PLCG1: variants seen among roughly 807,000 people sequenced by gnomAD.
PLCG1 encodes the protein phospholipase C gamma 1, also known as 1-phosphatidylinositol 4,5-bisphosphate phosphodiesterase gamma-1.
Under a neutral mutation model 177.8 loss-of-function variants are expected in PLCG1, and 71 were observed. The ratio of observed to expected loss-of-function variants is 0.40; its 90% confidence interval spans 0.33 to 0.49. The LOEUF is 0.49. PLCG1 is among the 20% of genes least tolerant of loss of function. PLCG1 has a pLI of 0.72. For missense variants in PLCG1, 1,281 were observed against 1,709.0 expected (o/e 0.75, Z 4.42); for synonymous variants, 658 against 647.9 (o/e 1.02, Z -0.24).
At chr20:41,149,575 A>G (rs2035101725) in intron 1 of PLCG1, among the ~76,000 whole-genome samples, 1 of 152,336 alleles carries the variant, frequency 6.6e-6, no homozygotes, top group East Asian at 1.9e-4. Flanking sequence ...GGGGATAGCA[A>G]GTAGGCAGCT....
rs1344654936 is a variant in PLCG1 at position 41,168,911 on chromosome 20, A to C, written c.2483+41A>C. The C allele has an allele frequency of 7.0e-6, 10 of 1,424,378 alleles. No individual in the cohort carries two copies. The Admixed American group carries it at 1.7e-4, about 24-fold the overall frequency. The allele number at this position is 1,424,378 out of a possible 1,614,324, so 88.2% of individuals were successfully genotyped here. On this transcript the variant is annotated intron_variant, in intron 21 of 31. Transcript: ENST00000685551. ...GGTAGGCCCAGAGTCCAAGGGCCCCAGTGGAGCTGGGGCCCCAAAGACATG... is the reference window on the plus strand; with the variant it reads ...GGTAGGCCCAGAGTCCAAGGGCCCCCGTGGAGCTGGGGCCCCAAAGACATG...
rs1287137004 is a variant in PLCG1, at chr20:41,159,639, G to C, written c.251G>C (p.Gly84Ala). 6.2e-7 allele frequency: 1 copy of C among 1,614,190 alleles called. No homozygotes were observed. Among genetic ancestry groups the C allele is most frequent in the Admixed American group, 1.7e-5 (1 of 60,026 alleles). Residue 84 changes from glycine (G) to alanine (A), a missense_variant, in exon 2 of 32, where the codon GGG becomes GCG. Transcript: ENST00000685551. The surrounding 1 kb of genome is among the most constrained non-coding windows in gnomAD (Gnocchi z 6.0). Reference sequence around the variant, plus strand: ...CGTGAAATTAAGGAGATCCGCCCAGGGAAGACCTCACGGGACTTTGATCGC... The same window carrying C: ...CGTGAAATTAAGGAGATCCGCCCAGCGAAGACCTCACGGGACTTTGATCGC... Reference protein sequence around the residue: ...DIREIKEIRPGKTSRDFDRYQ... With the variant: ...DIREIKEIRPAKTSRDFDRYQ...
At chr20:41,169,865 C>T (rs2035836064) in intron 23 of PLCG1, among the ~76,000 whole-genome samples, 1 of 152,114 alleles carries the variant, frequency 6.6e-6, no homozygotes, top group Admixed American at 6.6e-5. Flanking sequence ...GGAGACACGG[C>T]CTGAGGAAGA....
intron 1 of PLCG1, among the ~76,000 whole-genome samples, chr20:41,145,360 G>C (rs950734771): frequency 2.6e-5 from 4 of 152,188 alleles, no homozygotes; most frequent in Non-Finnish European, 4.4e-5. Context: ...GGTGAGTGTG[G>C]CTTTGCTGTT....
In PLCG1 at chr20:41,153,705, G is replaced by A. The variant is rs547988868; in HGVS notation, c.218-5901G>A. ...GGAGGTCAGGAGTTTGAGAGCAGCTGGCCAACATGGTGAAACCCCGTCTCT... is the reference window on the plus strand; with the variant it reads ...GGAGGTCAGGAGTTTGAGAGCAGCTAGCCAACATGGTGAAACCCCGTCTCT... On this transcript the variant is annotated intron_variant, in intron 1 of 31. Transcript: ENST00000685551. This position sits in a 1 kb window ranked among gnomAD's most constrained non-coding sequence, Gnocchi z 5.1. 1.3e-5 allele frequency among the ~76,000 whole-genome samples: 2 copies of A among 152,290 alleles called. No homozygotes were observed. The highest frequency in any genetic ancestry group is 4.1e-4 in the South Asian group (2 of 4,820).
intron 1 of PLCG1, among the ~76,000 whole-genome samples, chr20:41,145,004 G>A (rs2034953598): frequency 6.6e-6 from 1 of 152,140 alleles, no homozygotes; most frequent in African/African-American, 2.4e-5. Context: ...ATAAGGTTAG[G>A]GTAGATACAG....
At chr20:41,149,581 C>T (rs1305658696) in intron 1 of PLCG1, among the ~76,000 whole-genome samples, 1 of 152,178 alleles carries the variant, frequency 6.6e-6, no homozygotes, top group East Asian at 1.9e-4. Context: ...AGCAAGTAGG[C>T]AGCTGAATTG....
rs1476556767 is a variant in PLCG1, at chr20:41,165,461, C to G, written c.1521C>G (p.Pro507=). 3.1e-6 allele frequency: 5 copies of G among 1,613,924 alleles called. No individual in the cohort carries two copies. The Admixed American group carries it at 8.3e-5, about 27-fold the overall frequency. The change falls in exon 15 of 32, where the codon CCC becomes CCG. Residue 507 remains proline (P), a synonymous_variant. Coordinates refer to ENST00000685551, the MANE Select transcript of PLCG1 (RefSeq NM_002660.3). The surrounding 1 kb of genome is among the most constrained non-coding windows in gnomAD (Gnocchi z 6.6). ...TTGGTCTGTTCCAGGAATGGTATCC[C>G]CACTACTTTGTTCTGACCAGCAGCA... ...LEDPVNHEWY[P]HYFVLTSSKI...
chr20:41,173,810 A>T lies in PLCG1; in HGVS notation c.3553A>T (p.Thr1185Ser), dbSNP rs138431024. The change falls in exon 29 of 32, where the codon ACA (threonine) becomes TCA (serine). Residue 1185 changes from threonine (T) to serine (S), a missense_variant. Physicochemically the swap from Thr to Ser is moderately conservative, Grantham distance 58. This residue lies in a region of PLCG1 where 153 missense variants were observed against 153.2 expected (regional missense o/e 1.00). Coordinates refer to ENST00000685551, the MANE Select transcript of PLCG1 (RefSeq NM_002660.3). This position sits in a 1 kb window ranked among gnomAD's most constrained non-coding sequence, Gnocchi z 6.2. ...QATFPVKGLK[T>S]GYRAVPLKNN... is the part of the protein sequence containing the mutation. The stretch of plus-strand genomic sequence containing the variant: ...TACTTTCCCAGTAAAAGGCCTGAAG[A>T]CAGGTGAGGACCATTCCTGGAGGCA... The T allele has an allele frequency of 5.0e-6, 8 of 1,613,288 alleles. No individual in the cohort carries two copies. The African/African-American group carries it at 9.3e-5, about 19-fold the overall frequency.
rs1164052514 is a variant in PLCG1, at chr20:41,144,222, A to G, written c.217+6364A>G. 1.3e-5 allele frequency among the ~76,000 whole-genome samples: 2 copies of G among 152,236 alleles called. No homozygotes were observed. Among genetic ancestry groups the G allele is most frequent in the Non-Finnish European group, 2.9e-5 (2 of 68,038 alleles). On this transcript the variant is annotated intron_variant, in intron 1 of 31. Coordinates refer to ENST00000685551, the MANE Select transcript of PLCG1 (RefSeq NM_002660.3). This position sits in a 1 kb window ranked among gnomAD's most constrained non-coding sequence, Gnocchi z 4.1. ...AAAACCAAGCCCTAAGGGTAAGGTC[A>G]CATAGCAAGTTCATGGCAGATCCTA... is the stretch of plus-strand genomic sequence containing the variant.
intron 24 of PLCG1, among the ~76,000 whole-genome samples, chr20:41,171,964 G>C (rs2035915191): frequency 6.6e-6 from 1 of 152,222 alleles, no homozygotes; most frequent in Non-Finnish European, 1.5e-5. Context: ...TAAGAGGGTT[G>C]GAGGGCAAAT....
chr20:41,165,018 G>A lies in PLCG1; in HGVS notation c.1303G>A (p.Asp435Asn). The A allele has an allele frequency of 6.2e-7, 1 of 1,614,220 alleles. No individual in the cohort carries two copies. The highest frequency in any genetic ancestry group is 8.5e-7 in the Non-Finnish European group (1 of 1,180,034). ...CCAATACTTCAAGAAGGTGCTGGGG[G>A]ACACACTCCTCACCAAGCCCGTGGA... ...MAQYFKKVLGDTLLTKPVEIS... is the reference protein window; with the variant it reads ...MAQYFKKVLGNTLLTKPVEIS... Residue 435 changes from aspartate to asparagine, a missense_variant, in exon 13 of 32, where the codon GAC becomes AAC. Transcript: ENST00000685551. The surrounding 1 kb of genome is among the most constrained non-coding windows in gnomAD (Gnocchi z 6.6).
Position 41,160,240 on chromosome 20 carries a change from G to A in PLCG1, c.512+87G>A. On this transcript the variant is annotated intron_variant, in intron 4 of 31. Coordinates refer to ENST00000685551, the MANE Select transcript of PLCG1 (RefSeq NM_002660.3). The surrounding 1 kb of genome is among the most constrained non-coding windows in gnomAD (Gnocchi z 5.5). ...AGGCCTCTAAGTAGCTGCCCGGAGA[G>A]CCAGAGGACCCAGGGGACCTTAAGT... The A allele has an allele frequency of 8.0e-7, 1 of 1,244,498 alleles. No homozygotes were observed. The highest frequency in any genetic ancestry group is 1.2e-6 in the Non-Finnish European group (1 of 850,852). 77.1% of individuals were successfully genotyped at this position (1,244,498 alleles called of 1,614,324 possible).
intron 22 of PLCG1, 34 bp downstream of exon 22, chr20:41,169,209 C>T (rs2035810988): frequency 2.8e-6 from 4 of 1,440,554 alleles, no homozygotes; most frequent in Non-Finnish European, 2.9e-6. Flanking sequence ...ACAGCATTCC[C>T]TATTCCCAGA....
At position 41,151,035 on chromosome 20, in the gene PLCG1, A is replaced by G. The variant is rs1293951156; in HGVS notation, c.218-8571A>G. ...AAATGTTTGATCAGATGATGGAATG[A>G]ATGACTGCATAAGCCGAATAGATCA... On this transcript the variant is annotated intron_variant, in intron 1 of 31. Coordinates refer to ENST00000685551, the MANE Select transcript of PLCG1 (RefSeq NM_002660.3). The surrounding 1 kb of genome is among the most constrained non-coding windows in gnomAD (Gnocchi z 5.5). 6.6e-6 allele frequency among the ~76,000 whole-genome samples: 1 copy of G among 152,204 alleles called. No homozygotes were observed. The highest frequency in any genetic ancestry group is 1.5e-5 in the Non-Finnish European group (1 of 68,018).
In PLCG1 at chr20:41,156,719, TC is replaced by T; in HGVS notation, c.218-2883del. ...ACTTTCCTACTCCCCTAAGTAGTTC[TC>T]CCCTTCTCAAGCTCCTAAGTTCTGG... On this transcript the variant is annotated intron_variant, in intron 1 of 31. Coordinates refer to ENST00000685551, the MANE Select transcript of PLCG1 (RefSeq NM_002660.3). The surrounding 1 kb of genome is among the most constrained non-coding windows in gnomAD (Gnocchi z 5.0). Among the ~76,000 whole-genome samples the T allele has an allele frequency of 6.6e-6, 1 of 152,328 alleles. No individual in the cohort carries two copies. The highest frequency in any genetic ancestry group is 3.4e-3 in the Middle Eastern group (1 of 294).
At chr20:41,149,972 T>G (rs765051411) in intron 1 of PLCG1, among the ~76,000 whole-genome samples, 6 of 152,004 alleles carry the variant, frequency 3.9e-5, no homozygotes, top group Non-Finnish European at 5.9e-5. Flanking sequence ...GACTGGCGAG[T>G]CATTTGAGCC....
rs2036054947 is a variant in PLCG1, at chr20:41,175,982, G to A, written c.*1473G>A. The A allele has an allele frequency of 6.6e-6, 1 of 152,148 alleles. No individual in the cohort carries two copies. Among genetic ancestry groups the A allele is most frequent in the Non-Finnish European group, 1.5e-5 (1 of 68,040 alleles). The allele number at this position is 152,148 out of a possible 1,614,324, so 9.4% of individuals were successfully genotyped here. A position where few individuals can be genotyped will look rare whatever the true frequency, so the allele number is the denominator to read the frequency against. ...TTCTTTGTGGCCAGCCAGTTTTGGT[G>A]GTGAGCTGGAAACAACCAGAGCCCC... On this transcript the variant is annotated 3_prime_UTR_variant, in exon 32 of 32. Transcript: ENST00000685551.
chr20:41,159,824 T>A lies in PLCG1; in HGVS notation c.371-46T>A. On this transcript the variant is annotated intron_variant, in intron 2 of 31. Coordinates refer to ENST00000685551, the MANE Select transcript of PLCG1 (RefSeq NM_002660.3). The surrounding 1 kb of genome is among the most constrained non-coding windows in gnomAD (Gnocchi z 6.0). ...GGAATGCCTGCTGGCTCCTGCCCAG[T>A]GGGAGGTATGTGCCCTCGGGGCAGC... is the stretch of plus-strand genomic sequence containing the variant. 1 of 1,611,792 alleles carries A rather than the reference T, an allele frequency of 6.2e-7. No homozygotes were observed. The highest frequency in any genetic ancestry group is 8.5e-7 in the Non-Finnish European group (1 of 1,177,902).
Sources: allele counts gnomAD v4.1 joint callset (sites outside exome capture counted in the v4.1 genomes callset), GRCh38; gene constraint gnomAD v4.1.1; regional missense constraint gnomAD v4.1.1; non-coding constraint Gnocchi (gnomAD v3.1); transcripts MANE v1.5; gene names NCBI Gene and HGNC (gene_info 2026-07-23, HGNC 2026-07-21).